SLC2A13: variants seen among roughly 807,000 people sequenced by gnomAD.
SLC2A13 encodes the protein solute carrier family 2 member 13, also known as proton myo-inositol cotransporter.
SLC2A13 carries 32 observed loss-of-function variants against 64.4 expected under a neutral mutation model. The ratio of observed to expected loss-of-function variants is 0.50; its 90% CI spans 0.37 to 0.67. The LOEUF (loss-of-function observed/expected upper bound fraction) is 0.67. SLC2A13 is among the 30% of genes least tolerant of loss of function. The probability of loss-of-function intolerance (pLI) is 0.00; values close to 1 mark genes in which losing one functional copy is unlikely to be tolerated. For missense variants in SLC2A13, 743 were observed against 829.2 expected, an observed-to-expected ratio of 0.90 and a Z score of 1.28; for synonymous variants, 338 against 327.1, an observed-to-expected ratio of 1.03 and a Z score of -0.36.
At chr12:40,075,682 T>C (rs1414342781) in intron 1 of SLC2A13, among the ~76,000 whole-genome samples, 1 of 152,212 alleles carries the variant, frequency 6.6e-6, no homozygotes, top group Non-Finnish European at 1.5e-5. Context: ...TCTTTAAATA[T>C]TTTTTCTTCA....
At chr12:39,777,787 G>T (rs1249261945) in intron 7 of SLC2A13, among the ~76,000 whole-genome samples, 1 of 152,138 alleles carries the variant, frequency 6.6e-6, no homozygotes, top group Non-Finnish European at 1.5e-5. Context: ...TGGGGCAGTC[G>T]GATGAGAGCC....
chr12:40,013,911 C>A (rs1057338134), intron 3 of SLC2A13, among the ~76,000 whole-genome samples: 1 of 152,128 alleles, frequency 6.6e-6, no homozygotes, highest in African/African-American at 2.4e-5. Flanking sequence ...TGATGAGACT[C>A]ATACTAAAAC....
intron 3 of SLC2A13, among the ~76,000 whole-genome samples, chr12:40,020,777 G>GA (rs1232125610): frequency 1.3e-5 from 2 of 152,074 alleles, no homozygotes; most frequent in Non-Finnish European, 2.9e-5. Flanking sequence ...GTATCTTGAA[G>GA]AAAAAATGTC....
chr12:40,006,109 C>T (rs1396506574), intron 3 of SLC2A13, among the ~76,000 whole-genome samples: 1 of 152,002 alleles, frequency 6.6e-6, no homozygotes, highest in African/African-American at 2.4e-5. Flanking sequence ...ATTAATAACC[C>T]CATACAGTCA....
intron 7 of SLC2A13, among the ~76,000 whole-genome samples, chr12:39,799,539 A>T (rs1941710740): frequency 1.3e-5 from 2 of 152,194 alleles, no homozygotes; most frequent in South Asian, 4.1e-4. Flanking sequence ...AGAGTAGAGT[A>T]AATCAAATAA....
intron 6 of SLC2A13, among the ~76,000 whole-genome samples, chr12:39,834,842 T>C (rs948074724): frequency 6.6e-5 from 10 of 152,080 alleles, no homozygotes; most frequent in African/African-American, 2.2e-4. Context: ...CAACTTCAAC[T>C]TGACATTTAG....
intron 4 of SLC2A13, among the ~76,000 whole-genome samples, chr12:39,913,873 G>A (rs1032526807): frequency 2.0e-5 from 3 of 151,894 alleles, no homozygotes; most frequent in Admixed American, 1.3e-4. Flanking sequence ...TAAAATATAT[G>A]TATATACAGT....
At chr12:39,969,074 T>A (rs1368093637) in intron 3 of SLC2A13, among the ~76,000 whole-genome samples, 1 of 152,124 alleles carries the variant, frequency 6.6e-6, no homozygotes, top group Non-Finnish European at 1.5e-5. Flanking sequence ...CTTGCGATAG[T>A]TTGCTGAGAA....
At chr12:39,799,094 T>C (rs1347620551) in intron 7 of SLC2A13, among the ~76,000 whole-genome samples, 13 of 148,816 alleles carry the variant, frequency 8.7e-5, no homozygotes, top group African/African-American at 3.0e-4. Flanking sequence ...TTTTTTTTTT[T>C]TTAGACTCAG....
chr12:39,889,492 G>A (rs1438025322), intron 4 of SLC2A13, among the ~76,000 whole-genome samples: 1 of 150,146 alleles, frequency 6.7e-6, no homozygotes, highest in East Asian at 2.0e-4. Context: ...CAGAGAAAGT[G>A]AGTAGAGGCC....
intron 7 of SLC2A13, among the ~76,000 whole-genome samples, chr12:39,778,829 A>G (rs1940870952): frequency 6.6e-6 from 1 of 152,240 alleles, no homozygotes; most frequent in Non-Finnish European, 1.5e-5. Flanking sequence ...ACACAAAACC[A>G]TTTAGCAACA....
At chr12:40,068,236 G>T (rs956934700) in intron 1 of SLC2A13, 3 of 320,398 alleles carry the variant, frequency 9.4e-6, no homozygotes, top group African/African-American at 4.6e-5. Flanking sequence ...AAATTATTTT[G>T]CTTGGTTTAC....
chr12:40,015,341 T>C (rs1333826931), intron 3 of SLC2A13, among the ~76,000 whole-genome samples: 1 of 152,206 alleles, frequency 6.6e-6, no homozygotes, highest in Non-Finnish European at 1.5e-5. Context: ...ATAGTTTTGT[T>C]GTAAAATACT....
intron 3 of SLC2A13, among the ~76,000 whole-genome samples, chr12:39,979,513 C>T (rs1946845722): frequency 6.7e-6 from 1 of 149,232 alleles, no homozygotes; most frequent in Non-Finnish European, 1.5e-5. Flanking sequence ...GGCTCGAGAA[C>T]TACGTGAAGA....
intron 1 of SLC2A13, among the ~76,000 whole-genome samples, chr12:40,095,969 C>T (rs1938928494): frequency 6.6e-6 from 1 of 152,142 alleles, no homozygotes; most frequent in Admixed American, 6.5e-5. Context: ...GAGTCTCGCT[C>T]TGTCGCCCAG....
rs368001135 is a variant in SLC2A13, at chr12:40,048,072, T to A, written c.695A>T (p.Tyr232Phe). Residue 232 changes from tyrosine (Y) to phenylalanine (F), a missense_variant, in exon 2 of 10, where the codon TAT (tyrosine) becomes TTT (phenylalanine). By Grantham distance (22) the Tyr-to-Phe change is conservative. Around this residue, in one of 2 missense-constraint regions of SLC2A13, gnomAD observed 448 missense variants for 447.4 expected, o/e 1.00. Coordinates refer to ENST00000280871, the MANE Select transcript of SLC2A13 (RefSeq NM_052885.4). ...AAACCTCCATCCATCCTTCTGGAGA[T>A]AACTGAAGGCTCCATCAACAACACT... Reference protein sequence around the residue: ...FASVVDGAFSYLQKDGWRYML... With the variant: ...FASVVDGAFSFLQKDGWRYML... 2.2e-5 allele frequency: 35 copies of A among 1,610,824 alleles called. No individual in the cohort carries two copies. Among genetic ancestry groups the A allele is most frequent in the Middle Eastern group, 1.6e-4 (1 of 6,064 alleles).
chr12:39,886,563 A>G (rs1172204354), intron 4 of SLC2A13, among the ~76,000 whole-genome samples: 1 of 151,968 alleles, frequency 6.6e-6, no homozygotes, highest in Non-Finnish European at 1.5e-5. Flanking sequence ...CATCTGGCTA[A>G]TTCTGAAAAA....
chr12:39,877,396 C>T (rs796222022), intron 4 of SLC2A13, among the ~76,000 whole-genome samples: 45 of 149,936 alleles, frequency 3.0e-4, no homozygotes, highest in African/African-American at 1.1e-3. Context: ...AGAATTGGAA[C>T]CCCCCCTCCA....
intron 7 of SLC2A13, among the ~76,000 whole-genome samples, chr12:39,788,105 G>C (rs1941254369): frequency 6.6e-6 from 1 of 152,000 alleles, no homozygotes; most frequent in Non-Finnish European, 1.5e-5. Context: ...TTACCTCTAG[G>C]AAACTTATGT....
Sources: gnomAD v4.1 joint callset for allele counts (sites outside exome capture counted in the v4.1 genomes callset) on GRCh38, gnomAD v4.1.1 for gene constraint, gnomAD v4.1.1 regional missense constraint, MANE v1.5 for transcripts, NCBI Gene and HGNC (gene_info 2026-07-23, HGNC 2026-07-21) for gene names.